The following ZNF414 variants were observed in gnomAD, a reference collection of about 807,000 sequenced individuals.
The protein encoded by ZNF414 is zinc finger protein 414.
ZNF414 carries 32 observed loss-of-function variants against 38.3 expected under a neutral mutation model. That is an observed-to-expected ratio of 0.83 (90% CI 0.63 to 1.12). ZNF414 has a LOEUF of 1.12. Ranked by LOEUF, ZNF414 falls within the 50% of genes most tolerant of loss-of-function variation. ZNF414 has a pLI of 0.00. For missense variants in ZNF414, 589 were observed against 557.4 expected (o/e 1.06, Z -0.57); for synonymous variants, 256 against 248.0 (o/e 1.03, Z -0.30).
chr19:8,513,802 G>A (rs1257830885), intron 1 of ZNF414, among the ~76,000 whole-genome samples: 1 of 152,222 alleles, frequency 6.6e-6, no homozygotes, highest in Admixed American at 6.5e-5. Flanking sequence ...CTCGAGCAGT[G>A]TGGACAATCT....
intron 2 of ZNF414, 158 bp from the exon 3 acceptor site, chr19:8,512,869 G>C: frequency 3.4e-6 from 4 of 1,192,596 alleles, no homozygotes; most frequent in Non-Finnish European, 4.5e-6. Context: ...GGCTGGACTG[G>C]CCAGGCTCAC....
At position 8,510,896 on chromosome 19, in the gene ZNF414, G is replaced by C. The variant is rs993166225; in HGVS notation, c.1054C>G (p.Pro352Ala). 27 of 1,162,114 alleles carry C rather than the reference G, an allele frequency of 2.3e-5. No homozygotes were observed. The African/African-American group carries it at 4.3e-4, about 18-fold the overall frequency. The allele number at this position is 1,162,114 out of a possible 1,614,324, so 72.0% of individuals were successfully genotyped here. The part of the protein sequence containing the change: ...LHLEDHRPGA[P>A]AAPAAGPPRP... ...GGCGGCCCGGCCGCGGGGGCCGCGG[G>C]GGCGCCGGGGCGGTGGTCCTCCAGG... Residue 352 changes from proline (P) to alanine (A), a missense_variant, in exon 7 of 8, where the codon CCC becomes GCC. Physicochemically the swap from Pro to Ala is conservative, Grantham distance 27. Transcript: ENST00000393927.
chr19:8,513,016 C>A lies in ZNF414; in HGVS notation c.316+13G>T. ...GGGACTGTGATTCCCCAGAAGACCC[C>A]ATCACAGATCACCTGGAGGTGGGCG... is the stretch of plus-strand genomic sequence containing the variant. On this transcript the variant is annotated intron_variant, in intron 2 of 7. Transcript: ENST00000393927. 1 of 1,451,024 alleles carries A rather than the reference C, an allele frequency of 6.9e-7. No homozygotes were observed. Among genetic ancestry groups the A allele is most frequent in the South Asian group, 1.5e-5 (1 of 68,810 alleles). The allele number at this position is 1,451,024 out of a possible 1,614,324, so 89.9% of individuals were successfully genotyped here. A position where few individuals can be genotyped will look rare whatever the true frequency, so the allele number is the denominator to read the frequency against.
Position 8,510,937 on chromosome 19 carries a change from G to A in ZNF414, c.1013C>T (p.Pro338Leu). ...MQCAFSTASR[P>L]AMTLHLEDHR... ...GTCCTCCAGGTGCAGGGTCATGGCG[G>A]GCCGCGAGGCCGTGGAGAAGGCGCA... The change falls in exon 7 of 8, where the codon CCC becomes CTC. Residue 338 changes from proline (P) to leucine (L), a missense_variant. Coordinates refer to ENST00000393927, the MANE Select transcript of ZNF414 (RefSeq NM_001146175.2). The A allele has an allele frequency of 8.1e-7, 1 of 1,235,206 alleles. No individual in the cohort carries two copies. Among genetic ancestry groups the A allele is most frequent in the South Asian group, 3.5e-5 (1 of 28,448 alleles). 76.5% of individuals were successfully genotyped at this position (1,235,206 alleles called of 1,614,324 possible). A position where few individuals can be genotyped will look rare whatever the true frequency, so the allele number is the denominator to read the frequency against.
Position 8,514,026 on chromosome 19 carries a change from C to A in ZNF414, c.3+18G>T, listed in dbSNP as rs1225423364. 4.8e-6 allele frequency: 7 copies of A among 1,458,274 alleles called. No homozygotes were observed. The highest frequency in any genetic ancestry group is 6.3e-6 in the Non-Finnish European group (7 of 1,105,208). The allele number at this position is 1,458,274 out of a possible 1,614,324, so 90.3% of individuals were successfully genotyped here. On this transcript the variant is annotated intron_variant, in intron 1 of 7. Coordinates refer to ENST00000393927, the MANE Select transcript of ZNF414 (RefSeq NM_001146175.2). ...CCCCGCAGCTCCGCCGCGCCCGCGA[C>A]CCCGGTGCCGCGCTCACCATCTTCG...
At chr19:8,511,066 C>A in intron 6 of ZNF414, 42 bp from the exon 7 acceptor site, 1 of 1,284,802 alleles carries the variant, frequency 7.8e-7, no homozygotes, top group Non-Finnish European at 9.8e-7. Context: ...GCTCCCCCAG[C>A]CCAGAAGACC....
chr19:8,513,959 CGGCCGGAGGCTGTAGGCGCGACAG>C lies in ZNF414; in HGVS notation c.3+61_3+84del, dbSNP rs1971954629. ...GGGTGCCCGGATGTGGGGGCGGGGT[CGGCCGGAGGCTGTAGGCGCGACAG>C]GGCCGCTCCCCGCCAGTCCCCGCAG... On this transcript the variant is annotated intron_variant, in intron 1 of 7. Coordinates refer to ENST00000393927, the MANE Select transcript of ZNF414 (RefSeq NM_001146175.2). The C allele has an allele frequency of 4.6e-6, 6 of 1,314,926 alleles. No homozygotes were observed. In the South Asian group the frequency reaches 1.2e-4, roughly 25 times the overall value. The allele number at this position is 1,314,926 out of a possible 1,614,324, so 81.5% of individuals were successfully genotyped here.
At chr19:8,513,417 C>A (rs559770893) in intron 1 of ZNF414, 76 bp from the exon 2 acceptor site, 3 of 1,398,912 alleles carry the variant, frequency 2.1e-6, no homozygotes, top group East Asian at 5.1e-5. Flanking sequence ...TAAGGAATCA[C>A]CAGCAGGAGA....
intron 1 of ZNF414, among the ~76,000 whole-genome samples, chr19:8,513,823 G>A (rs2145809097): frequency 6.6e-6 from 1 of 152,322 alleles, no homozygotes; most frequent in East Asian, 1.9e-4. Context: ...TGGAGGTGCT[G>A]GGGGCCCGGA....
Position 8,511,553 on chromosome 19 carries a change from G to A in ZNF414, c.875-17C>T. On this transcript the variant is annotated splice_polypyrimidine_tract_variant and intron_variant, in intron 5 of 7. Coordinates refer to ENST00000393927, the MANE Select transcript of ZNF414 (RefSeq NM_001146175.2). ...TGCCAGCACCTGCGGTAAAGGGGCGGGTCAAGTTCAGAGTCAGGGCGAGCC... is the reference window on the plus strand; with the variant it reads ...TGCCAGCACCTGCGGTAAAGGGGCGAGTCAAGTTCAGAGTCAGGGCGAGCC... The A allele has an allele frequency of 1.9e-6, 3 of 1,587,702 alleles. No individual in the cohort carries two copies. Among genetic ancestry groups the A allele is most frequent in the Non-Finnish European group, 2.6e-6 (3 of 1,167,104 alleles).
At chr19:8,511,379 C>A in intron 6 of ZNF414, 107 bp downstream of exon 6, 1 of 1,499,210 alleles carries the variant, frequency 6.7e-7, no homozygotes. Flanking sequence ...GGCATTTGTG[C>A]CCCCTGGGAA....
intron 2 of ZNF414, 122 bp downstream of exon 2, chr19:8,512,907 G>A (rs1007064199): frequency 9.9e-6 from 13 of 1,307,850 alleles, no homozygotes; most frequent in Admixed American, 6.1e-5. Flanking sequence ...GGCATCCACC[G>A]GCTGCTCCGT....
At chr19:8,512,042 C>A (rs572493569) in intron 4 of ZNF414, 82 bp from the exon 5 acceptor site, 3 of 1,391,086 alleles carry the variant, frequency 2.2e-6, no homozygotes, top group African/African-American at 2.9e-5. Context: ...ACCCGCCCTT[C>A]GAGCGTGGGA....
chr19:8,513,961 G>A (rs1971954663), intron 1 of ZNF414, 83 bp downstream of exon 1: 9 of 1,326,906 alleles, frequency 6.8e-6, no homozygotes, highest in Non-Finnish European at 8.7e-6. Flanking sequence ...GGCGGGGTCG[G>A]CCGGAGGCTG....
chr19:8,511,569 AG>A (rs765206638), intron 5 of ZNF414, 33 bp from the exon 6 acceptor site: 1 of 1,561,832 alleles, frequency 6.4e-7, no homozygotes, highest in Non-Finnish European at 8.7e-7. Flanking sequence ...GTTCAGAGTC[AG>A]GGCGAGCCCA....
Position 8,510,467 on chromosome 19 carries a change from T to C in ZNF414, c.*224A>G. 2.4e-6 allele frequency: 1 copy of C among 410,124 alleles called. No homozygotes were observed. Among genetic ancestry groups the C allele is most frequent in the South Asian group, 4.5e-5 (1 of 22,200 alleles). The allele number at this position is 410,124 out of a possible 1,614,324, so 25.4% of individuals were successfully genotyped here. A position where few individuals can be genotyped will look rare whatever the true frequency, so the allele number is the denominator to read the frequency against. On this transcript the variant is annotated 3_prime_UTR_variant, in exon 8 of 8. Transcript: ENST00000393927. ...ATGGGAAGACAGGACACAGGTGGGC[T>C]GTGAGGCCTGCACCTGTGGACCCAG...
chr19:8,512,775 G>A lies in ZNF414; in HGVS notation c.317-64C>T, dbSNP rs1055047996. The A allele has an allele frequency of 3.6e-6, 5 of 1,405,354 alleles. No homozygotes were observed. In the African/African-American group the frequency reaches 5.8e-5, roughly 16 times the overall value. The allele number at this position is 1,405,354 out of a possible 1,614,324, so 87.1% of individuals were successfully genotyped here. ...TCACTAGTGCTGTCCCTGACCCCAG[G>A]GTTCTGCCCCAGAGAAGCAAATATG... On this transcript the variant is annotated intron_variant, in intron 2 of 7. Coordinates refer to ENST00000393927, the MANE Select transcript of ZNF414 (RefSeq NM_001146175.2).
rs193095690 is a variant in ZNF414 at position 8,510,621 on chromosome 19, C to G, written c.*70G>C. 1.3e-4 allele frequency: 195 copies of G among 1,469,256 alleles called. 1 individual carries two copies. The African/African-American group carries it at 1.8e-3, about 13-fold the overall frequency. 91.0% of individuals were successfully genotyped at this position (1,469,256 alleles called of 1,614,324 possible). A position where few individuals can be genotyped will look rare whatever the true frequency, so the allele number is the denominator to read the frequency against. On this transcript the variant is annotated 3_prime_UTR_variant, in exon 8 of 8. Transcript: ENST00000393927. ...CTTCTTTATTGTCCACCCCAGCCCC[C>G]CTTCCCTGCAGCCCCCTCCAAATGA...
Position 8,512,714 on chromosome 19 carries a change from G to C in ZNF414, c.317-3C>G. ...GCTGGAGCAAGGGATTTGCTTCCCT[G>C]CAGGACGCACAGAACAGTGGTCACT... On this transcript the variant is annotated splice_polypyrimidine_tract_variant and splice_region_variant and intron_variant, in intron 2 of 7. Transcript: ENST00000393927. 1 of 1,521,540 alleles carries C rather than the reference G, an allele frequency of 6.6e-7. No homozygotes were observed. Among genetic ancestry groups the C allele is most frequent in the Non-Finnish European group, 8.8e-7 (1 of 1,134,336 alleles). 94.3% of individuals were successfully genotyped at this position (1,521,540 alleles called of 1,614,324 possible). A position where few individuals can be genotyped will look rare whatever the true frequency, so the allele number is the denominator to read the frequency against.
Sources: gnomAD v4.1 joint callset for allele counts (sites outside exome capture counted in the v4.1 genomes callset) on GRCh38, gnomAD v4.1.1 for gene constraint, MANE v1.5 for transcripts, NCBI Gene and HGNC (gene_info 2026-07-23, HGNC 2026-07-21) for gene names.